KCNAB1: variants seen among roughly 807,000 people sequenced by gnomAD.
The protein encoded by KCNAB1 is potassium voltage-gated channel subfamily A regulatory beta subunit 1.
KCNAB1 carries 35 observed loss-of-function variants against 64.6 expected under a neutral mutation model. That is an observed-to-expected ratio of 0.54 (90% CI 0.41 to 0.72). KCNAB1 has a LOEUF of 0.72. Among genes scored for constraint, KCNAB1 ranks in the 30% least tolerant of loss-of-function variants. The probability of loss-of-function intolerance (pLI) is 0.00; values close to 1 mark genes in which losing one functional copy is unlikely to be tolerated. For synonymous variants in KCNAB1, 177 were observed against 183.8 expected, an observed-to-expected ratio of 0.96 and a Z score of 0.30; for missense variants, 401 against 512.9, an observed-to-expected ratio of 0.78 and a Z score of 2.11.
chr3:156,252,644 C>T (rs914731585), intron 1 of KCNAB1, among the ~76,000 whole-genome samples: 1 of 152,168 alleles, frequency 6.6e-6, no homozygotes, highest in Non-Finnish European at 1.5e-5. Flanking sequence ...TGATGGCTCA[C>T]TTTAAATATA....
chr3:156,395,679 T>G (rs1180578110), intron 1 of KCNAB1, among the ~76,000 whole-genome samples: 1 of 152,024 alleles, frequency 6.6e-6, no homozygotes, highest in Non-Finnish European at 1.5e-5. Flanking sequence ...TTTATTTATT[T>G]TTTCCTCCTA....
chr3:156,273,924 T>C (rs530971395), intron 1 of KCNAB1, among the ~76,000 whole-genome samples: 8 of 152,308 alleles, frequency 5.3e-5, no homozygotes, highest in Admixed American at 2.0e-4. Context: ...GTGTAGAATA[T>C]ACAGCTAGTC....
chr3:156,410,901 A>G (rs1714603205), intron 1 of KCNAB1, among the ~76,000 whole-genome samples: 1 of 152,200 alleles, frequency 6.6e-6, no homozygotes, highest in Admixed American at 6.5e-5. Flanking sequence ...GCTGCTATGA[A>G]TATTTATATA....
rs757915942 is a variant in KCNAB1, at chr3:156,536,665, C to G, written c.1178C>G (p.Pro393Arg). ...IENLGAIQVL[P>R]KMTSHVVNEI... ...TTCTCCTCCTGCTCTCAGGTTCTCC[C>G]AAAGATGACATCACATGTGGTAAAT... The change falls in exon 14 of 14, where the codon CCA becomes CGA. Residue 393 changes from proline (P) to arginine (R), a missense_variant. By Grantham distance (103) the Pro-to-Arg change is moderately radical (BLOSUM62 -2). Coordinates refer to ENST00000490337, the MANE Select transcript of KCNAB1 (RefSeq NM_172160.3). The G allele has an allele frequency of 6.2e-6, 10 of 1,610,158 alleles. No individual in the cohort carries two copies. The highest frequency in any genetic ancestry group is 7.6e-6 in the Non-Finnish European group (9 of 1,176,480).
chr3:156,120,804 G>C lies in KCNAB1; in HGVS notation c.193G>C (p.Glu65Gln). ...LRARQLALLREVEMNWYLKLC... is the reference protein window; with the variant it reads ...LRARQLALLRQVEMNWYLKLC... ...GGCGCGTCAACTGGCTCTGCTGCGC[G>C]AAGTGGAGATGAACTGGTACCTAAA... Residue 65 changes from glutamate to glutamine, a missense_variant, in exon 1 of 14, where the codon GAA (glutamate) becomes CAA (glutamine). Coordinates refer to ENST00000490337, the MANE Select transcript of KCNAB1 (RefSeq NM_172160.3). 3 of 1,614,254 alleles carry C rather than the reference G, an allele frequency of 1.9e-6. No individual in the cohort carries two copies. The highest frequency in any genetic ancestry group is 2.2e-5 in the East Asian group (1 of 44,878).
At chr3:156,348,277 G>A (rs1188639180) in intron 1 of KCNAB1, among the ~76,000 whole-genome samples, 1 of 152,182 alleles carries the variant, frequency 6.6e-6, no homozygotes, top group Non-Finnish European at 1.5e-5. Flanking sequence ...ACATGCAAAG[G>A]CCATGAGTTG....
intron 1 of KCNAB1, among the ~76,000 whole-genome samples, chr3:156,177,779 C>T (rs1284742143): frequency 2.0e-5 from 3 of 152,168 alleles, no homozygotes; most frequent in Non-Finnish European, 2.9e-5. Context: ...CTCGCCCTGT[C>T]GCCCAGGCTG....
chr3:156,403,720 C>T (rs1022298155), intron 1 of KCNAB1, among the ~76,000 whole-genome samples: 4 of 152,124 alleles, frequency 2.6e-5, no homozygotes, highest in African/African-American at 7.2e-5. Flanking sequence ...TGGTGAAACC[C>T]GGTCTTTACT....
chr3:156,123,018 A>G (rs1448454575), intron 1 of KCNAB1, among the ~76,000 whole-genome samples: 1 of 152,204 alleles, frequency 6.6e-6, no homozygotes, highest in African/African-American at 2.4e-5. Context: ...CGATCCCCCA[A>G]GTCACCCAAA....
chr3:156,480,359 C>T (rs1212935468), intron 8 of KCNAB1, among the ~76,000 whole-genome samples: 2 of 151,600 alleles, frequency 1.3e-5, no homozygotes, highest in Non-Finnish European at 2.9e-5. Context: ...AGAGGAACAA[C>T]ACATATCGGG....
At chr3:156,212,602 G>A (rs935416367) in intron 1 of KCNAB1, among the ~76,000 whole-genome samples, 27 of 152,268 alleles carry the variant, frequency 1.8e-4, no homozygotes, top group Middle Eastern at 3.4e-3. Context: ...CCCACTACCA[G>A]GTGGCAAAGG....
chr3:156,398,007 C>A (rs896497622), intron 1 of KCNAB1, among the ~76,000 whole-genome samples: 2 of 152,122 alleles, frequency 1.3e-5, no homozygotes, highest in Non-Finnish European at 2.9e-5. Context: ...CTCCAATGAA[C>A]AAATATTTAT....
At chr3:156,531,762 G>T (rs1428301660) in intron 13 of KCNAB1, among the ~76,000 whole-genome samples, 1 of 152,182 alleles carries the variant, frequency 6.6e-6, no homozygotes, top group African/African-American at 2.4e-5. Flanking sequence ...GACTTCCCAG[G>T]CCTCGCCATA....
At chr3:156,345,429 C>A (rs1245195178) in intron 1 of KCNAB1, among the ~76,000 whole-genome samples, 1 of 152,070 alleles carries the variant, frequency 6.6e-6, no homozygotes, top group Non-Finnish European at 1.5e-5. Context: ...GTATCTATCT[C>A]CGAGGTTAAC....
chr3:156,286,232 C>G (rs979726132), intron 1 of KCNAB1, among the ~76,000 whole-genome samples: 19 of 152,306 alleles, frequency 1.2e-4, no homozygotes, highest in Admixed American at 6.5e-4. Context: ...ATTTTTATAG[C>G]TGGTTCAATT....
At position 156,441,496 on chromosome 3, in the gene KCNAB1, G is replaced by A. The variant is rs562819328; in HGVS notation, c.320-11403G>A. 3.9e-5 allele frequency: 6 copies of A among 152,096 alleles called. No individual in the cohort carries two copies. The South Asian group carries it at 1.2e-3, about 32-fold the overall frequency. The allele number at this position is 152,096 out of a possible 1,614,324, so 9.4% of individuals were successfully genotyped here. A position where few individuals can be genotyped will look rare whatever the true frequency, so the allele number is the denominator to read the frequency against. On this transcript the variant is annotated intron_variant, in intron 2 of 13. Coordinates refer to ENST00000490337, the MANE Select transcript of KCNAB1 (RefSeq NM_172160.3). ...ATATTTGAACACATACTATATTCCAGACACTATGAAAATAATTCGCGGGGA... is the reference window on the plus strand; with the variant it reads ...ATATTTGAACACATACTATATTCCAAACACTATGAAAATAATTCGCGGGGA...
At chr3:156,448,463 GC>G (rs1711748573) in intron 2 of KCNAB1, among the ~76,000 whole-genome samples, 1 of 152,190 alleles carries the variant, frequency 6.6e-6, no homozygotes, top group South Asian at 2.1e-4. Context: ...GAAGGCTGTT[GC>G]CCCGTTCCTC....
chr3:156,503,986 A>G (rs1296637798), intron 8 of KCNAB1, among the ~76,000 whole-genome samples: 6 of 152,192 alleles, frequency 3.9e-5, no homozygotes, highest in Admixed American at 1.3e-4. Context: ...CTACAAAGCT[A>G]CAGAACACTA....
In KCNAB1 at chr3:156,219,666, C is replaced by G. The variant is rs373339209; in HGVS notation, c.275+98780C>G. On this transcript the variant is annotated intron_variant, in intron 1 of 13. Transcript: ENST00000490337. ...CCTGGGCACATAGTCCTCAGGTTAT[C>G]TAAAGTCAAAAGCGAAGGAAGGAAT... 1.7e-4 allele frequency among the ~76,000 whole-genome samples: 26 copies of G among 151,560 alleles called. No homozygotes were observed. In the East Asian group the frequency reaches 1.9e-3, roughly 11 times the overall value.
Sources: allele counts gnomAD v4.1 joint callset (sites outside exome capture counted in the v4.1 genomes callset), GRCh38; gene constraint gnomAD v4.1.1; transcripts MANE v1.5; gene names NCBI Gene and HGNC (gene_info 2026-07-23, HGNC 2026-07-21).